Variants in NRXN1 observed in about 807,000 individuals in gnomAD.
NRXN1 encodes neurexin-1.
NRXN1 carries 39 observed loss-of-function variants against 150.9 expected under a neutral mutation model. The observed-to-expected ratio is 0.26, with a 90% CI of 0.20 to 0.34. The LOEUF (loss-of-function observed/expected upper bound fraction) is 0.34, where lower values mean the gene tolerates loss of function less well. Ranked by LOEUF, NRXN1 falls within the 10% of genes least tolerant of loss-of-function variation. The probability of loss-of-function intolerance (pLI) is 1.00; values close to 1 mark genes in which losing one functional copy is unlikely to be tolerated. For missense variants in NRXN1, 1,815 were observed against 1,949.9 expected (o/e 0.93, Z 1.30); for synonymous variants, 924 against 757.0 (o/e 1.22, Z -3.62).
intron 2 of NRXN1, among the ~76,000 whole-genome samples, chr2:50,986,393 T>G (rs1468216977): frequency 6.6e-6 from 1 of 151,756 alleles, no homozygotes; most frequent in Non-Finnish European, 1.5e-5. Flanking sequence ...GAATATCCAC[T>G]GCAACATTAT....
intron 17 of NRXN1, among the ~76,000 whole-genome samples, chr2:50,458,009 T>C (rs2104584740): frequency 6.6e-6 from 1 of 152,212 alleles, no homozygotes; most frequent in East Asian, 1.9e-4. Flanking sequence ...AGGAAATCAG[T>C]ATATCGAAGA....
Position 50,063,402 on chromosome 2 carries a change from T to A in NRXN1, c.3719-8358A>T, listed in dbSNP as rs905607732. The stretch of plus-strand genomic sequence containing the variant: ...AGCTTACTCCAGTTTCATCTTGAAC[T>A]ACTTTTCTCTGACTCTTTAAATTAG... On this transcript the variant is annotated intron_variant, in intron 19 of 22. Transcript: ENST00000401669. Among the ~76,000 whole-genome samples the A allele has an allele frequency of 9.9e-5, 15 of 152,282 alleles. No homozygotes were observed. In the South Asian group the frequency reaches 3.1e-3, roughly 32 times the overall value.
At chr2:50,574,949 C>G (rs1671178822) in intron 8 of NRXN1, among the ~76,000 whole-genome samples, 3 of 152,170 alleles carry the variant, frequency 2.0e-5, no homozygotes, top group Non-Finnish European at 4.4e-5. Flanking sequence ...CAACGTCCCC[C>G]AGCAATGATG....
intron 5 of NRXN1, among the ~76,000 whole-genome samples, chr2:50,771,643 G>T (rs553253316): frequency 6.6e-6 from 1 of 152,076 alleles, no homozygotes; most frequent in African/African-American, 2.4e-5. Flanking sequence ...GATGGGTTGC[G>T]GGTAAGAATA....
In NRXN1 at chr2:51,029,130, A is replaced by G. The variant is rs946794319; in HGVS notation, c.-857T>C. ...CAGGGCCAAGCTAAGATGCCAGCAC[A>G]TCAATTGGTTGTGTGTTGGTGATGC... On this transcript the variant is annotated 5_prime_UTR_variant, in exon 2 of 23. It removes an upstream start codon present in the reference 5' UTR. Coordinates refer to ENST00000401669, the MANE Select transcript of NRXN1 (RefSeq NM_001330078.2). 6.6e-6 allele frequency: 1 copy of G among 152,240 alleles called. No homozygotes were observed. The highest frequency in any genetic ancestry group is 2.4e-5 in the African/African-American group (1 of 41,474). The allele number at this position is 152,240 out of a possible 1,614,324, so 9.4% of individuals were successfully genotyped here.
At chr2:50,403,451 GA>G (rs1487699900) in intron 17 of NRXN1, among the ~76,000 whole-genome samples, 1 of 152,060 alleles carries the variant, frequency 6.6e-6, no homozygotes, top group Non-Finnish European at 1.5e-5. Context: ...TCAGGTTTAA[GA>G]AACTCCACTC....
chr2:50,661,280 T>G (rs1378368692), intron 5 of NRXN1, among the ~76,000 whole-genome samples: 1 of 151,984 alleles, frequency 6.6e-6, no homozygotes, highest in Non-Finnish European at 1.5e-5. Flanking sequence ...CAGGAAAAGG[T>G]TCACAGAAGA....
intron 12 of NRXN1, among the ~76,000 whole-genome samples, chr2:50,525,329 T>C (rs2092920331): frequency 6.6e-6 from 1 of 152,264 alleles, no homozygotes; most frequent in South Asian, 2.1e-4. Context: ...TTAATTCAGA[T>C]AGTTTTTTCC....
At chr2:50,872,279 T>C (rs1677896740) in intron 5 of NRXN1, among the ~76,000 whole-genome samples, 1 of 151,860 alleles carries the variant, frequency 6.6e-6, no homozygotes, top group South Asian at 2.1e-4. Context: ...AAATGTAATG[T>C]GTAATAATGG....
intron 12 of NRXN1, among the ~76,000 whole-genome samples, chr2:50,510,569 G>T (rs1463358211): frequency 7.1e-6 from 1 of 140,392 alleles, no homozygotes; most frequent in Admixed American, 7.3e-5. Context: ...TCTATTAAAA[G>T]ACATCATTCC....
chr2:50,749,221 G>A (rs1700325141), intron 5 of NRXN1, among the ~76,000 whole-genome samples: 1 of 152,048 alleles, frequency 6.6e-6, no homozygotes, highest in Admixed American at 6.6e-5. Context: ...AACAACTACT[G>A]CTATAATTGT....
intron 2 of NRXN1, among the ~76,000 whole-genome samples, chr2:50,956,535 C>T (rs1374243936): frequency 6.6e-6 from 1 of 151,918 alleles, no homozygotes; most frequent in East Asian, 1.9e-4. Flanking sequence ...ACTGCTTGAG[C>T]CCCAGAGTTC....
intron 5 of NRXN1, among the ~76,000 whole-genome samples, chr2:50,639,514 C>T (rs10439475): frequency 0.24 from 37,106 of 151,710 alleles, 4,660 homozygotes; most frequent in East Asian, 0.38. Flanking sequence ...AGCCACCATG[C>T]CCGGACACTT....
intron 17 of NRXN1, among the ~76,000 whole-genome samples, chr2:50,342,167 A>C (rs2077595253): frequency 6.6e-6 from 1 of 152,222 alleles, no homozygotes; most frequent in Non-Finnish European, 1.5e-5. Flanking sequence ...GAATAAATGA[A>C]TGCATGAATG....
intron 17 of NRXN1, among the ~76,000 whole-genome samples, chr2:50,375,767 T>C (rs1038686535): frequency 6.6e-6 from 1 of 151,726 alleles, no homozygotes; most frequent in Non-Finnish European, 1.5e-5. Flanking sequence ...TTTATCATAA[T>C]AAAAAGTCAG....
rs1696970673 is a variant in NRXN1, at chr2:50,982,405, T to C, written c.772+45097A>G. On this transcript the variant is annotated intron_variant, in intron 2 of 22. Transcript: ENST00000401669. Reference sequence around the variant, plus strand: ...TTTTTTAACTTCATCAGTAGTTAATTTGGACTTCACAGCAGAATGTACACT... The same window carrying C: ...TTTTTTAACTTCATCAGTAGTTAATCTGGACTTCACAGCAGAATGTACACT... 3.9e-5 allele frequency among the ~76,000 whole-genome samples: 6 copies of C among 152,102 alleles called. No homozygotes were observed. In the South Asian group the frequency reaches 1.2e-3, roughly 31 times the overall value.
At chr2:50,581,032 C>A (rs969009731) in intron 8 of NRXN1, among the ~76,000 whole-genome samples, 2 of 152,092 alleles carry the variant, frequency 1.3e-5, no homozygotes, top group African/African-American at 2.4e-5. Context: ...GGACAATATA[C>A]TATGCTGAGA....
intron 2 of NRXN1, among the ~76,000 whole-genome samples, chr2:51,002,571 G>A (rs1283201022): frequency 6.6e-6 from 1 of 151,874 alleles, no homozygotes; most frequent in East Asian, 1.9e-4. Context: ...TTATGAGTCT[G>A]AAAGTATCCT....
chr2:50,294,937 G>C (rs1244574157), intron 17 of NRXN1, among the ~76,000 whole-genome samples: 1 of 152,224 alleles, frequency 6.6e-6, no homozygotes, highest in Non-Finnish European at 1.5e-5. Flanking sequence ...GAATAAAGAG[G>C]GAAGAGGAAT....
Sources: allele counts gnomAD v4.1 joint callset (sites outside exome capture counted in the v4.1 genomes callset), GRCh38; gene constraint gnomAD v4.1.1; transcripts MANE v1.5; gene names NCBI Gene and HGNC (gene_info 2026-07-23, HGNC 2026-07-21).